The following LAMA2 variants were observed in gnomAD, a reference collection of about 807,000 sequenced individuals.
LAMA2 encodes laminin subunit alpha 2, also known as laminin subunit alpha-2.
LAMA2 carries 269 observed loss-of-function variants against 364.8 expected under a neutral mutation model. The ratio of observed to expected loss-of-function variants is 0.74; its 90% CI spans 0.67 to 0.82. The LOEUF (loss-of-function observed/expected upper bound fraction) is 0.82, where lower values mean the gene tolerates loss of function less well. Ranked by LOEUF, LAMA2 falls within the 40% of genes least tolerant of loss-of-function variation. LAMA2 has a pLI of 0.00. For synonymous variants in LAMA2, 1,379 were observed against 1,370.6 expected (o/e 1.01, Z -0.14); for missense variants, 3,807 against 3,873.2 (o/e 0.98, Z 0.45).
intron 1 of LAMA2, among the ~76,000 whole-genome samples, chr6:129,026,615 G>T (rs974497828): frequency 9.2e-5 from 14 of 152,138 alleles, no homozygotes; most frequent in African/African-American, 3.4e-4. Flanking sequence ...CATGTAAGAA[G>T]TATATTTCAT....
intron 1 of LAMA2, among the ~76,000 whole-genome samples, chr6:128,964,921 G>T (rs193136439): frequency 2.0e-5 from 3 of 152,084 alleles, no homozygotes; most frequent in Admixed American, 2.0e-4. Flanking sequence ...TTATAAACTG[G>T]CTTGGTAGTT....
chr6:129,446,001 A>G (rs1218202643), intron 45 of LAMA2, among the ~76,000 whole-genome samples, 180 bp downstream of exon 45: 1 of 152,088 alleles, frequency 6.6e-6, no homozygotes, highest in Non-Finnish European at 1.5e-5. Context: ...TTGTTTGTAA[A>G]TTTCAAAAGA....
intron 21 of LAMA2, among the ~76,000 whole-genome samples, chr6:129,299,383 A>T (rs1773407013): frequency 6.6e-6 from 1 of 152,160 alleles, no homozygotes; most frequent in Non-Finnish European, 1.5e-5. Context: ...ATTTAGAGTA[A>T]TGCCTAGCAT....
At chr6:129,391,380 C>T (rs944114592) in intron 35 of LAMA2, 111 bp from the exon 36 acceptor site, 11 of 920,434 alleles carry the variant, frequency 1.2e-5, no homozygotes, top group Admixed American at 1.7e-5. Context: ...GGAACACTCA[C>T]GGCAAAATAC....
At chr6:128,996,617 C>T (rs1272430335) in intron 1 of LAMA2, among the ~76,000 whole-genome samples, 1 of 152,148 alleles carries the variant, frequency 6.6e-6, no homozygotes, top group Non-Finnish European at 1.5e-5. Context: ...ATTAAAATGT[C>T]AGGAAACAAC....
At position 129,146,830 on chromosome 6, in the gene LAMA2, T is replaced by A. The variant is rs952513240; in HGVS notation, c.820-129T>A. 1.2e-5 allele frequency: 9 copies of A among 727,414 alleles called. No homozygotes were observed. The African/African-American group carries it at 1.6e-4, about 13-fold the overall frequency. The allele number at this position is 727,414 out of a possible 1,614,324, so 45.1% of individuals were successfully genotyped here. A position where few individuals can be genotyped will look rare whatever the true frequency, so the allele number is the denominator to read the frequency against. ...CAGTTTTGTGAGTCCTCACTTGTCCTCAAGAAACACAAATGTCCTTCAAAC... is the reference window on the plus strand; with the variant it reads ...CAGTTTTGTGAGTCCTCACTTGTCCACAAGAAACACAAATGTCCTTCAAAC... On this transcript the variant is annotated intron_variant, in intron 5 of 64. Coordinates refer to ENST00000421865, the MANE Select transcript of LAMA2 (RefSeq NM_000426.4).
intron 1 of LAMA2, among the ~76,000 whole-genome samples, chr6:128,949,535 G>C (rs1330123495): frequency 3.3e-5 from 5 of 152,080 alleles, no homozygotes; most frequent in Admixed American, 2.6e-4. Context: ...GGAAAATAGA[G>C]AAGAATAGAG....
chr6:129,249,805 G>A (rs1164343464), intron 12 of LAMA2, among the ~76,000 whole-genome samples: 1 of 152,154 alleles, frequency 6.6e-6, no homozygotes, highest in East Asian at 1.9e-4. Flanking sequence ...TCAAACTGTA[G>A]ACTAAGATGA....
intron 1 of LAMA2, among the ~76,000 whole-genome samples, chr6:128,890,054 A>G (rs1287695406): frequency 2.6e-5 from 4 of 152,152 alleles, no homozygotes; most frequent in Non-Finnish European, 5.9e-5. Flanking sequence ...CACTTAGGAA[A>G]TGTACCTTGT....
chr6:129,308,423 G>A (rs892286370), intron 22 of LAMA2, among the ~76,000 whole-genome samples: 1 of 152,156 alleles, frequency 6.6e-6, no homozygotes, highest in Non-Finnish European at 1.5e-5. Context: ...TCTTGAAATT[G>A]AAGTTGATAC....
chr6:128,920,729 A>T (rs776585814), intron 1 of LAMA2, among the ~76,000 whole-genome samples: 102 of 151,240 alleles, frequency 6.7e-4, no homozygotes, highest in Admixed American at 5.7e-3. Context: ...GCACACATGT[A>T]TATGAGAGTA....
chr6:129,169,844 G>C (rs1413152467), intron 9 of LAMA2, among the ~76,000 whole-genome samples: 11 of 144,702 alleles, frequency 7.6e-5, no homozygotes, highest in African/African-American at 2.7e-4. Context: ...TTCAGATCCT[G>C]TTATTGGTCT....
At chr6:129,057,838 G>C (rs765926944) in intron 2 of LAMA2, among the ~76,000 whole-genome samples, 1 of 152,138 alleles carries the variant, frequency 6.6e-6, no homozygotes, top group Admixed American at 6.5e-5. Context: ...ATAGCAATGT[G>C]ATTTGTTCCT....
chr6:129,142,784 T>C (rs796385253), intron 4 of LAMA2, among the ~76,000 whole-genome samples: 4 of 152,132 alleles, frequency 2.6e-5, no homozygotes, highest in African/African-American at 9.6e-5. Flanking sequence ...TACCAATATT[T>C]GTGGGGTTTG....
chr6:129,252,085 G>T lies in LAMA2; in HGVS notation c.1886G>T (p.Gly629Val). 1 of 1,608,150 alleles carries T rather than the reference G, an allele frequency of 6.2e-7. No homozygotes were observed. ...RVLQLMIILE[G>V]NDLSISTAQD... is the part of the protein sequence containing the mutation. ...TATTTCTTTTTTTTCCCCCTTTAGG[G>T]TAATGACTTGAGCATCAGCACAGCC... The change falls in exon 14 of 65, where the codon GGT (glycine) becomes GTT (valine). Residue 629 changes from glycine (G) to valine (V), a missense_variant and splice_region_variant. Coordinates refer to ENST00000421865, the MANE Select transcript of LAMA2 (RefSeq NM_000426.4).
At chr6:129,482,867 T>C (rs1321183091) in intron 55 of LAMA2, among the ~76,000 whole-genome samples, 1 of 152,086 alleles carries the variant, frequency 6.6e-6, no homozygotes, top group Non-Finnish European at 1.5e-5. Context: ...GAGACCAGCC[T>C]GGCCAACATA....
intron 3 of LAMA2, among the ~76,000 whole-genome samples, chr6:129,073,718 C>G (rs1280935951): frequency 2.6e-5 from 4 of 151,668 alleles, no homozygotes; most frequent in Non-Finnish European, 5.9e-5. Flanking sequence ...TTAGAATATC[C>G]ATTTGATACT....
intron 22 of LAMA2, among the ~76,000 whole-genome samples, chr6:129,305,212 T>A (rs1773789643): frequency 6.6e-6 from 1 of 152,212 alleles, no homozygotes; most frequent in Non-Finnish European, 1.5e-5. Flanking sequence ...AGAAGTGTAC[T>A]TTTTCTGATA....
chr6:129,199,984 C>G (rs920734247), intron 12 of LAMA2, among the ~76,000 whole-genome samples: 2 of 151,662 alleles, frequency 1.3e-5, no homozygotes, highest in African/African-American at 4.8e-5. Context: ...GAGGCTGATG[C>G]AAGAGAATTG....
Sources: allele counts gnomAD v4.1 joint callset (sites outside exome capture counted in the v4.1 genomes callset), GRCh38; gene constraint gnomAD v4.1.1; transcripts MANE v1.5; gene names NCBI Gene and HGNC (gene_info 2026-07-23, HGNC 2026-07-21).